CIITA: variants seen among roughly 807,000 people sequenced by gnomAD.
CIITA encodes the protein MHC class II transactivator.
Under a neutral mutation model 115.1 loss-of-function variants are expected in CIITA, and 72 were observed. The ratio of observed to expected loss-of-function variants is 0.63; its 90% confidence interval spans 0.52 to 0.76. CIITA has a LOEUF of 0.76. Among genes scored for constraint, CIITA ranks in the 30% least tolerant of loss-of-function variants. CIITA has a pLI of 0.00. For synonymous variants in CIITA, 763 were observed against 635.6 expected (o/e 1.20, Z -3.02); for missense variants, 1,617 against 1,463.8 (o/e 1.10, Z -1.71).
chr16:10,877,424 C>T, intron 1 of CIITA, 42 bp downstream of exon 1: 1 of 1,584,082 alleles, frequency 6.3e-7, no homozygotes, highest in Non-Finnish European at 8.6e-7. Context: ...CGTGCAGTCT[C>T]AGCTGGTCCT....
At position 10,877,300 on chromosome 16, in the gene CIITA, G is replaced by A. The variant is rs1235953458; in HGVS notation, c.-31G>A. ...CACGAGGAGGGGCTGCCAGACTCCG[G>A]GAGCTGCTGCCTGGCTGGGATTCCT... is the stretch of plus-strand genomic sequence containing the variant. On this transcript the variant is annotated 5_prime_UTR_variant, in exon 1 of 20. Coordinates refer to ENST00000324288, the MANE Select transcript of CIITA (RefSeq NM_000246.4). The A allele has an allele frequency of 1.9e-6, 3 of 1,608,788 alleles. No individual in the cohort carries two copies. The highest frequency in any genetic ancestry group is 2.5e-6 in the Non-Finnish European group (3 of 1,177,388).
At chr16:10,940,384 G>T (rs1008699279), downstream of CIITA, 1 of 152,272 alleles carries the variant, frequency 6.6e-6, no homozygotes, top group Non-Finnish European at 1.5e-5. This position sits in a 1 kb window ranked among gnomAD's most constrained non-coding sequence, Gnocchi z 4.2. Flanking sequence ...GACACCCTCT[G>T]CCTGTGGTTG....
At chr16:10,878,778 G>T (rs2036097480) in intron 1 of CIITA, among the ~76,000 whole-genome samples, 3 of 152,364 alleles carry the variant, frequency 2.0e-5, no homozygotes, top group South Asian at 2.1e-4. Context: ...GTGAGGAACC[G>T]ACTGGAGGCA....
At position 10,901,469 on chromosome 16, in the gene CIITA, G is replaced by T; in HGVS notation, c.437-45G>T. 6.2e-7 allele frequency: 1 copy of T among 1,611,368 alleles called. No individual in the cohort carries two copies. ...AGAGTCCTGAGCCCCTTCTGGCTTG[G>T]GACATCCTCTCCCTGGGGCAGCTGA... On this transcript the variant is annotated intron_variant, in intron 5 of 19. Transcript: ENST00000324288. This position sits in a 1 kb window ranked among gnomAD's most constrained non-coding sequence, Gnocchi z 6.8.
chr16:10,895,571 T>G (rs756206458), intron 2 of CIITA, 98 bp from the exon 3 acceptor site: 4 of 1,560,166 alleles, frequency 2.6e-6, no homozygotes, highest in Middle Eastern at 3.5e-4. Context: ...TCTCTGCAGA[T>G]GGGGATGATC....
chr16:10,907,863 A>G lies in CIITA; in HGVS notation c.2371A>G (p.Arg791Gly). ...SVDRKQKVLA[R>G]YLKRLQPGTL... ...GGACAGGAAGCAGAAGGTGCTTGCG[A>G]GGTACCTGAAGCGGCTGCAGCCGGG... The change falls in exon 11 of 20, where the codon AGG becomes GGG. Residue 791 changes from arginine to glycine, a missense_variant. Coordinates refer to ENST00000324288, the MANE Select transcript of CIITA (RefSeq NM_000246.4). This position sits in a 1 kb window ranked among gnomAD's most constrained non-coding sequence, Gnocchi z 5.0. 1 of 1,609,862 alleles carries G rather than the reference A, an allele frequency of 6.2e-7. No homozygotes were observed. Among genetic ancestry groups the G allele is most frequent in the South Asian group, 1.1e-5 (1 of 90,738 alleles).
intron 1 of CIITA, among the ~76,000 whole-genome samples, chr16:10,892,486 C>T (rs1216088424): frequency 6.6e-6 from 1 of 152,232 alleles, no homozygotes; most frequent in Non-Finnish European, 1.5e-5. Context: ...CTCCTCTTAC[C>T]TCCTCCAGGA....
intron 1 of CIITA, among the ~76,000 whole-genome samples, chr16:10,883,244 C>T (rs767494107): frequency 1.3e-5 from 2 of 152,204 alleles, no homozygotes; most frequent in Non-Finnish European, 2.9e-5. Context: ...AGGTTCCCTT[C>T]CAGGAAAAAC....
At position 10,883,680 on chromosome 16, in the gene CIITA, A is replaced by G. The variant is rs2036642179; in HGVS notation, c.52+6298A>G. On this transcript the variant is annotated intron_variant, in intron 1 of 19. Transcript: ENST00000324288. ...AGGAAAAATAGAAGTAAGTTGTCTC[A>G]GGTCAGATTGTCTGGGAAGCCAAGT... 2.0e-5 allele frequency among the ~76,000 whole-genome samples: 3 copies of G among 152,178 alleles called. No homozygotes were observed. In the South Asian group the frequency reaches 6.2e-4, roughly 32 times the overall value.
chr16:10,921,088 A>G (rs552170532), intron 16 of CIITA, among the ~76,000 whole-genome samples: 1 of 152,240 alleles, frequency 6.6e-6, no homozygotes, highest in South Asian at 2.1e-4. Flanking sequence ...GGCTGGTCTC[A>G]AACTCCCGAC....
chr16:10,940,724 C>T (rs1368242339), downstream of CIITA: 2 of 152,448 alleles, frequency 1.3e-5, no homozygotes, highest in Non-Finnish European at 2.9e-5. This position sits in a 1 kb window ranked among gnomAD's most constrained non-coding sequence, Gnocchi z 4.2. Context: ...CTTCATTTCC[C>T]TACCTCTCAC....
intron 1 of CIITA, among the ~76,000 whole-genome samples, chr16:10,889,728 G>A (rs1299160782): frequency 5.3e-5 from 8 of 151,908 alleles, no homozygotes; most frequent in Admixed American, 2.0e-4. Flanking sequence ...CATGTTGCCC[G>A]GGCTGGTCTC....
upstream of CIITA, among the ~76,000 whole-genome samples, chr16:10,874,227 G>A (rs45623931): frequency 2.7e-4 from 41 of 152,118 alleles, no homozygotes; most frequent in African/African-American, 8.9e-4. Context: ...CAGGTGATCC[G>A]CCCGCCTCAG....
chr16:10,915,426 G>T, intron 13 of CIITA, 144 bp from the exon 14 acceptor site: 1 of 713,330 alleles, frequency 1.4e-6, no homozygotes, highest in Non-Finnish European at 2.5e-6. Flanking sequence ...AAGGGTTGCA[G>T]GGACCTAAGA....
intron 3 of CIITA, among the ~76,000 whole-genome samples, chr16:10,897,294 G>A (rs2038228870): frequency 6.6e-6 from 1 of 152,218 alleles, no homozygotes; most frequent in Admixed American, 6.5e-5. Context: ...CGAGGCAAGA[G>A]GTTTCGGTGT....
rs1323219510 is a variant in CIITA, at chr16:10,901,627, C to T, written c.481+69C>T. On this transcript the variant is annotated intron_variant, in intron 6 of 19. Coordinates refer to ENST00000324288, the MANE Select transcript of CIITA (RefSeq NM_000246.4). The surrounding 1 kb of genome is among the most constrained non-coding windows in gnomAD (Gnocchi z 6.8). ...TGGGGAGGGGATGGAAGAGATTGAA[C>T]TCCTGGCCCAAGTCTGATGGGGATG... is the stretch of plus-strand genomic sequence containing the variant. 4 of 1,507,626 alleles carry T rather than the reference C, an allele frequency of 2.7e-6. No homozygotes were observed. The highest frequency in any genetic ancestry group is 2.0e-4 in the Middle Eastern group (1 of 5,126). The allele number at this position is 1,507,626 out of a possible 1,614,324, so 93.4% of individuals were successfully genotyped here.
At chr16:10,871,984 A>C (rs1596392454) in intron 1 of CIITA, among the ~76,000 whole-genome samples, 1 of 152,306 alleles carries the variant, frequency 6.6e-6, no homozygotes, top group East Asian at 1.9e-4. Flanking sequence ...GACCTTGAGC[A>C]GTTCACCTGC....
chr16:10,893,581 G>A (rs1293989950), intron 1 of CIITA, among the ~76,000 whole-genome samples: 3 of 152,050 alleles, frequency 2.0e-5, no homozygotes, highest in Non-Finnish European at 4.4e-5. Flanking sequence ...CGAGGAGACA[G>A]GCGGATCACT....
At position 10,901,694 on chromosome 16, in the gene CIITA, G is replaced by A; in HGVS notation, c.481+136G>A. 1.0e-6 allele frequency: 1 copy of A among 973,886 alleles called. No homozygotes were observed. The highest frequency in any genetic ancestry group is 1.6e-6 in the Non-Finnish European group (1 of 633,452). 60.3% of individuals were successfully genotyped at this position (973,886 alleles called of 1,614,324 possible). On this transcript the variant is annotated intron_variant, in intron 6 of 19. Coordinates refer to ENST00000324288, the MANE Select transcript of CIITA (RefSeq NM_000246.4). This position sits in a 1 kb window ranked among gnomAD's most constrained non-coding sequence, Gnocchi z 6.8. ...CTGCCCTTCTTTGGGTAGAGGCTGA[G>A]AGCTTGGGGTCCCTTAGAGTCCTCT...
Sources: allele counts gnomAD v4.1 joint callset (sites outside exome capture counted in the v4.1 genomes callset), GRCh38; gene constraint gnomAD v4.1.1; non-coding constraint Gnocchi (gnomAD v3.1); transcripts MANE v1.5; gene names NCBI Gene and HGNC (gene_info 2026-07-23, HGNC 2026-07-21).